ANGPT4: variants seen among roughly 807,000 people sequenced by gnomAD.
The protein encoded by ANGPT4 is angiopoietin-4.
ANGPT4 carries 50 observed loss-of-function variants against 53.0 expected under a neutral mutation model. The observed-to-expected ratio is 0.94, with a 90% CI of 0.75 to 1.20. The LOEUF is 1.20. Among genes scored for constraint, ANGPT4 ranks in the 50% most tolerant of loss-of-function variants. The pLI is 0.00. For synonymous variants in ANGPT4, 251 were observed against 259.7 expected (o/e 0.97, Z 0.32); for missense variants, 648 against 637.1 (o/e 1.02, Z -0.18).
chr20:905,426 T>G (rs969355943), intron 1 of ANGPT4, among the ~76,000 whole-genome samples: 5 of 151,742 alleles, frequency 3.3e-5, no homozygotes, highest in Non-Finnish European at 5.9e-5. Context: ...ACTGAATAGT[T>G]GTTTGGCAGC....
At chr20:902,203 A>T (rs909699488) in intron 1 of ANGPT4, among the ~76,000 whole-genome samples, 13 of 152,148 alleles carry the variant, frequency 8.5e-5, no homozygotes, top group Admixed American at 8.5e-4. Flanking sequence ...TTGGATTTTA[A>T]AAGTAGAATG....
chr20:900,010 C>A (rs930568046), intron 1 of ANGPT4, among the ~76,000 whole-genome samples: 1 of 152,236 alleles, frequency 6.6e-6, no homozygotes, highest in Non-Finnish European at 1.5e-5. Context: ...CCACACAAGG[C>A]AAATGGTTCT....
At position 901,809 on chromosome 20, in the gene ANGPT4, C is replaced by T. The variant is rs28717671; in HGVS notation, c.310-11441G>A. On this transcript the variant is annotated intron_variant, in intron 1 of 8. Coordinates refer to ENST00000381922, the MANE Select transcript of ANGPT4 (RefSeq NM_015985.4). ...GCATGCCTCTAGTCTCAGCTACTTG[C>T]GGGGCTGAGGCAGGAGGATGGCTTT... Among the ~76,000 whole-genome samples the T allele has an allele frequency of 1.2e-4, 18 of 152,210 alleles. 1 individual carries two copies. The East Asian group carries it at 2.3e-3, about 20-fold the overall frequency.
chr20:904,633 C>A (rs76910480), intron 1 of ANGPT4, among the ~76,000 whole-genome samples: 11,806 of 152,146 alleles, frequency 0.078, 591 homozygotes, highest in African/African-American at 0.14. Context: ...TTTTTTTGGT[C>A]CTTTGTTTTT....
In ANGPT4 at chr20:914,594, C is replaced by T. The variant is rs1982848285; in HGVS notation, c.309+1312G>A. The stretch of plus-strand genomic sequence containing the variant: ...CCAGGACAGCTATCCTGCCTGGAGC[C>T]AGAGGTGGTTGTCAAGCTTGTCTGC... On this transcript the variant is annotated intron_variant, in intron 1 of 8. Transcript: ENST00000381922. This position sits in a 1 kb window ranked among gnomAD's most constrained non-coding sequence, Gnocchi z 5.0. Among the ~76,000 whole-genome samples the T allele has an allele frequency of 6.6e-6, 1 of 152,054 alleles. No individual in the cohort carries two copies. The highest frequency in any genetic ancestry group is 1.5e-5 in the Non-Finnish European group (1 of 67,990).
chr20:878,523 T>C (rs1356172326), intron 6 of ANGPT4, among the ~76,000 whole-genome samples, 196 bp from the exon 7 acceptor site: 1 of 152,244 alleles, frequency 6.6e-6, no homozygotes, highest in African/African-American at 2.4e-5. Context: ...CTAAGGCTTT[T>C]GTAAGTGTAA....
chr20:881,230 C>T lies in ANGPT4; in HGVS notation c.892G>A (p.Gly298Arg), dbSNP rs773437004. Reference protein sequence around the residue: ...FQDCAEIQRSGASASGVYTIQ... With the variant: ...FQDCAEIQRSRASASGVYTIQ... ...GTGTAGACACCACTGGCACTGGCCCCAGAGCGCTGGATCTCTGCACAGTCC... is the reference window on the plus strand; with the variant it reads ...GTGTAGACACCACTGGCACTGGCCCTAGAGCGCTGGATCTCTGCACAGTCC... The change falls in exon 5 of 9, where the codon GGG becomes AGG. Residue 298 changes from glycine (G) to arginine (R), a missense_variant. Coordinates refer to ENST00000381922, the MANE Select transcript of ANGPT4 (RefSeq NM_015985.4). The T allele has an allele frequency of 2.5e-6, 4 of 1,613,658 alleles. No individual in the cohort carries two copies. The highest frequency in any genetic ancestry group is 1.1e-5 in the South Asian group (1 of 90,994).
intron 8 of ANGPT4, 135 bp from the exon 9 acceptor site, chr20:873,255 A>T: frequency 6.6e-6 from 2 of 301,138 alleles, no homozygotes; most frequent in Non-Finnish European, 1.3e-5. Context: ...CTGGCTGGGG[A>T]TGGGGCTGGG....
Position 872,728 on chromosome 20 carries a change from G to A in ANGPT4, c.*232C>T, listed in dbSNP as rs1330043106. 5 of 543,260 alleles carry A rather than the reference G, an allele frequency of 9.2e-6. No homozygotes were observed. Among genetic ancestry groups the A allele is most frequent in the Non-Finnish European group, 1.6e-5 (5 of 304,710 alleles). 33.7% of individuals were successfully genotyped at this position (543,260 alleles called of 1,614,324 possible). A position where few individuals can be genotyped will look rare whatever the true frequency, so the allele number is the denominator to read the frequency against. On this transcript the variant is annotated 3_prime_UTR_variant, in exon 9 of 9. Transcript: ENST00000381922. ...CCCCTGAAGGGGGAGGGAGAGAAGA[G>A]GGGCGAGGACTACATCAGAGGGATG...
chr20:895,101 G>A (rs570728222), intron 1 of ANGPT4, among the ~76,000 whole-genome samples: 93 of 152,282 alleles, frequency 6.1e-4, no homozygotes, highest in Non-Finnish European at 1.2e-3. Flanking sequence ...GTGGGAGCTA[G>A]GTCTGGCCCA....
intron 6 of ANGPT4, among the ~76,000 whole-genome samples, 177 bp from the exon 7 acceptor site, chr20:878,504 G>T (rs11906355): frequency 0.13 from 19,274 of 152,202 alleles, 1,627 homozygotes; most frequent in African/African-American, 0.24. Flanking sequence ...ACCTGCTAGA[G>T]GGAAAAGACT....
At chr20:886,752 T>C (rs1057341695) in intron 3 of ANGPT4, among the ~76,000 whole-genome samples, 5 of 152,222 alleles carry the variant, frequency 3.3e-5, no homozygotes, top group African/African-American at 1.2e-4. Context: ...AAAAACCGAA[T>C]GGTTGTATGG....
At chr20:876,572 C>T (rs1216124220) in intron 7 of ANGPT4, among the ~76,000 whole-genome samples, 1 of 152,222 alleles carries the variant, frequency 6.6e-6, no homozygotes, top group East Asian at 1.9e-4. Flanking sequence ...GTATCTCATT[C>T]AGGCCTCATC....
At chr20:898,897 G>A (rs994312304) in intron 1 of ANGPT4, among the ~76,000 whole-genome samples, 7 of 152,214 alleles carry the variant, frequency 4.6e-5, no homozygotes, top group African/African-American at 9.6e-5. Context: ...CCATCTTTGC[G>A]GGACCCCACT....
chr20:875,868 G>T (rs537051805), intron 7 of ANGPT4, among the ~76,000 whole-genome samples: 2 of 152,118 alleles, frequency 1.3e-5, no homozygotes, highest in African/African-American at 4.8e-5. Context: ...GGTGGCTCAC[G>T]CCTGTAATCC....
At position 916,297 on chromosome 20, in the gene ANGPT4, C is replaced by T. The variant is rs1037597430; in HGVS notation, c.-83G>A. On this transcript the variant is annotated 5_prime_UTR_variant, in exon 1 of 9. Transcript: ENST00000381922. ...GATGTCCTGCTGCAGCCAACAGTGG[C>T]CAGGCTTGCCTGCAGCTGCAGCTAC... 7 of 1,449,504 alleles carry T rather than the reference C, an allele frequency of 4.8e-6. No homozygotes were observed. In the East Asian group the frequency reaches 1.2e-4, roughly 24 times the overall value. 89.8% of individuals were successfully genotyped at this position (1,449,504 alleles called of 1,614,324 possible). A position where few individuals can be genotyped will look rare whatever the true frequency, so the allele number is the denominator to read the frequency against.
chr20:875,201 G>C (rs1425090909), intron 7 of ANGPT4, among the ~76,000 whole-genome samples: 1 of 152,170 alleles, frequency 6.6e-6, no homozygotes, highest in East Asian at 1.9e-4. Flanking sequence ...ATGAGGGTCA[G>C]AGCCACATGC....
intron 7 of ANGPT4, among the ~76,000 whole-genome samples, chr20:875,924 G>A (rs1241407137): frequency 6.6e-6 from 1 of 152,080 alleles, no homozygotes; most frequent in Non-Finnish European, 1.5e-5. Context: ...GAGCCCAGGA[G>A]TTCGAGATCA....
Position 911,719 on chromosome 20 carries a change from G to C in ANGPT4, c.309+4187C>G, listed in dbSNP as rs1982706317. The stretch of plus-strand genomic sequence containing the variant: ...CGTCCCAGCTACTTGGAAGACTGAG[G>C]CGGGAGGATCGCTTGAGCTCAGGAG... On this transcript the variant is annotated intron_variant, in intron 1 of 8. Transcript: ENST00000381922. This position sits in a 1 kb window ranked among gnomAD's most constrained non-coding sequence, Gnocchi z 4.9. 6.6e-6 allele frequency among the ~76,000 whole-genome samples: 1 copy of C among 152,150 alleles called. No individual in the cohort carries two copies. The highest frequency in any genetic ancestry group is 2.4e-5 in the African/African-American group (1 of 41,434).
Sources: allele counts gnomAD v4.1 joint callset (sites outside exome capture counted in the v4.1 genomes callset), GRCh38; gene constraint gnomAD v4.1.1; non-coding constraint Gnocchi (gnomAD v3.1); transcripts MANE v1.5; gene names NCBI Gene and HGNC (gene_info 2026-07-23, HGNC 2026-07-21).